The following CLIC5 variants were observed in gnomAD, a reference collection of about 807,000 sequenced individuals.
CLIC5 encodes the protein CLIC family member 5.
In CLIC5, 20 loss-of-function variants were observed where a neutral mutation model predicts 24.7. The ratio of observed to expected loss-of-function variants is 0.81; its 90% CI spans 0.57 to 1.18. The LOEUF (loss-of-function observed/expected upper bound fraction) is 1.18, where lower values mean the gene tolerates loss of function less well. Among genes scored for constraint, CLIC5 ranks in the 50% most tolerant of loss-of-function variants. The pLI is 0.00. For synonymous variants in CLIC5, 159 were observed against 135.6 expected (o/e 1.17, Z -1.20); for missense variants, 341 against 326.1 (o/e 1.05, Z -0.35).
chr6:45,890,381 T>C (rs1762338089), intron 6 of CLIC5, among the ~76,000 whole-genome samples: 1 of 152,174 alleles, frequency 6.6e-6, no homozygotes, highest in Non-Finnish European at 1.5e-5. Context: ...ACATCAGACC[T>C]ATTAGATTGG....
At chr6:45,958,079 GA>G (rs1261698026) in intron 1 of CLIC5, among the ~76,000 whole-genome samples, 1 of 152,088 alleles carries the variant, frequency 6.6e-6, no homozygotes, top group Non-Finnish European at 1.5e-5. Flanking sequence ...CTTGCAGGTG[GA>G]ATCAACTTGA....
chr6:45,916,562 G>A (rs562800973), intron 4 of CLIC5, among the ~76,000 whole-genome samples: 5 of 152,148 alleles, frequency 3.3e-5, no homozygotes, highest in South Asian at 2.1e-4. Context: ...AGAGTCATAC[G>A]ATAGGAGATG....
chr6:46,077,862 C>T (rs914358982), intron 1 of CLIC5, among the ~76,000 whole-genome samples: 3 of 152,100 alleles, frequency 2.0e-5, no homozygotes, highest in African/African-American at 7.2e-5. Context: ...CCAGGAAGTA[C>T]CAACACTTCT....
chr6:46,117,128 G>A, the CLIC5 span, among the ~76,000 whole-genome samples: 1 of 152,100 alleles, frequency 6.6e-6, no homozygotes, highest in Non-Finnish European at 1.5e-5. Context: ...TCTACCTAGT[G>A]CACAGAGCCC....
At chr6:45,983,487 C>T (rs1249472621) in intron 1 of CLIC5, among the ~76,000 whole-genome samples, 1 of 152,084 alleles carries the variant, frequency 6.6e-6, no homozygotes, top group Non-Finnish European at 1.5e-5. Flanking sequence ...GTTGGAAGAG[C>T]GATTGTGGCA....
At chr6:46,011,465 C>G (rs1766806862) in intron 1 of CLIC5, among the ~76,000 whole-genome samples, 2 of 152,164 alleles carry the variant, frequency 1.3e-5, no homozygotes, top group Non-Finnish European at 2.9e-5. Context: ...AGGGTCCCAC[C>G]CACAGACACA....
rs367926627 is a variant in CLIC5, at chr6:46,067,032, G to C, written c.540+12671C>G. 5.3e-5 allele frequency among the ~76,000 whole-genome samples: 8 copies of C among 152,232 alleles called. No individual in the cohort carries two copies. The East Asian group carries it at 1.5e-3, about 29-fold the overall frequency. On this transcript the variant is annotated intron_variant, in intron 1 of 5. Coordinates refer to the CLIC5 transcript ENST00000185206. ...CAGAACATGCAAAGGCTTTGTAATG[G>C]GACGCTCAAAGGTGAACTTGATCAT...
At chr6:46,108,331 G>A in the CLIC5 span, among the ~76,000 whole-genome samples, 1,395 of 151,232 alleles carry the variant, frequency 9.2e-3, 11 homozygotes, top group Non-Finnish European at 0.016. Flanking sequence ...AAAAAAAAAG[G>A]GAAGAGAGAG....
intron 3 of CLIC5, among the ~76,000 whole-genome samples, chr6:45,948,263 T>C (rs1183388374): frequency 6.6e-6 from 1 of 152,224 alleles, no homozygotes; most frequent in African/African-American, 2.4e-5. Context: ...ACTTACTCAG[T>C]ATGTCCTGAA....
chr6:46,044,981 C>T lies in CLIC5; in HGVS notation c.540+34722G>A, dbSNP rs528017443. ...CTTGAGCACTCAGCTCCTCCAGAAGCGGCTGGCATCTAGCATGCTTGCCAT... is the reference window on the plus strand; with the variant it reads ...CTTGAGCACTCAGCTCCTCCAGAAGTGGCTGGCATCTAGCATGCTTGCCAT... On this transcript the variant is annotated intron_variant, in intron 1 of 5. Transcript: ENST00000185206. Among the ~76,000 whole-genome samples the T allele has an allele frequency of 3.3e-5, 5 of 152,124 alleles. No homozygotes were observed. The East Asian group carries it at 5.8e-4, about 18-fold the overall frequency.
chr6:45,935,194 A>G (rs1303540848), intron 4 of CLIC5, among the ~76,000 whole-genome samples: 1 of 151,888 alleles, frequency 6.6e-6, no homozygotes, highest in African/African-American at 2.4e-5. Context: ...TCCTCTTAGG[A>G]ATGACAGAGA....
intron 1 of CLIC5, among the ~76,000 whole-genome samples, chr6:45,983,057 T>C (rs990434214): frequency 3.3e-5 from 5 of 152,104 alleles, no homozygotes; most frequent in Admixed American, 2.0e-4. Context: ...GTCTGGGAAA[T>C]GGAAGAAAAT....
chr6:46,056,135 C>T (rs1005574295), intron 1 of CLIC5, among the ~76,000 whole-genome samples: 1 of 152,018 alleles, frequency 6.6e-6, no homozygotes, highest in Admixed American at 6.6e-5. Flanking sequence ...AAAACTGAGG[C>T]ACAGAGAAGG....
At chr6:45,905,603 A>C (rs929992121) in intron 5 of CLIC5, among the ~76,000 whole-genome samples, 2 of 150,868 alleles carry the variant, frequency 1.3e-5, no homozygotes, top group Non-Finnish European at 2.9e-5. Context: ...CAATTGTTTA[A>C]GTTCCTTATA....
chr6:45,974,458 A>G (rs545162414), intron 1 of CLIC5, among the ~76,000 whole-genome samples: 1 of 140,758 alleles, frequency 7.1e-6, no homozygotes, highest in African/African-American at 2.6e-5. Flanking sequence ...TATGTTTTTC[A>G]TGTCTTGGGA....
chr6:46,086,957 G>A, the CLIC5 span, among the ~76,000 whole-genome samples: 24 of 152,258 alleles, frequency 1.6e-4, no homozygotes, highest in East Asian at 3.1e-3. Context: ...CAGTCATTGA[G>A]TGGCCTTGGT....
chr6:45,991,814 G>A (rs1348347975), intron 1 of CLIC5, among the ~76,000 whole-genome samples: 1 of 152,162 alleles, frequency 6.6e-6, no homozygotes, highest in African/African-American at 2.4e-5. Flanking sequence ...GAGACAGAAT[G>A]TGAGGAGCTC....
intron 2 of CLIC5, among the ~76,000 whole-genome samples, chr6:45,950,069 T>C (rs893649185): frequency 2.6e-5 from 4 of 152,196 alleles, no homozygotes; most frequent in African/African-American, 9.7e-5. Flanking sequence ...GTCTTCTTAT[T>C]GCTAAGATTA....
At chr6:46,039,006 T>C (rs74946614) in intron 1 of CLIC5, among the ~76,000 whole-genome samples, 1 of 152,306 alleles carries the variant, frequency 6.6e-6, no homozygotes, top group East Asian at 1.9e-4. Flanking sequence ...AATTTAGCTC[T>C]CAATAAGAAA....
Sources: gnomAD v4.1 joint callset for allele counts (sites outside exome capture counted in the v4.1 genomes callset) on GRCh38, gnomAD v4.1.1 for gene constraint, MANE v1.5 for transcripts, NCBI Gene and HGNC (gene_info 2026-07-23, HGNC 2026-07-21) for gene names.